Variants in MCOLN3 observed in about 807,000 individuals in gnomAD.
MCOLN3 encodes the protein mucolipin-3.
MCOLN3 carries 62 observed loss-of-function variants against 69.4 expected under a neutral mutation model. The ratio of observed to expected loss-of-function variants is 0.89; its 90% CI spans 0.73 to 1.10. MCOLN3 has a LOEUF of 1.10. MCOLN3 is among the 50% of genes least tolerant of loss of function. MCOLN3 has a pLI of 0.00. For missense variants in MCOLN3, 564 were observed against 656.4 expected, an observed-to-expected ratio of 0.86 and a Z score of 1.54; for synonymous variants, 183 against 217.0, an observed-to-expected ratio of 0.84 and a Z score of 1.38.
rs535781290 is a variant in MCOLN3 at position 85,039,043 on chromosome 1, T to TC, written c.396+1966dup. On this transcript the variant is annotated intron_variant, in intron 3 of 12. Transcript: ENST00000370589. The stretch of plus-strand genomic sequence containing the variant: ...ATAAAAAATATTAACTCACATTTTT[T>TC]CTATTCATTTCTCAGAAGCCTGAAA... 7.9e-5 allele frequency among the ~76,000 whole-genome samples: 12 copies of TC among 152,226 alleles called. No individual in the cohort carries two copies. The East Asian group carries it at 2.3e-3, about 29-fold the overall frequency.
intron 7 of MCOLN3, among the ~76,000 whole-genome samples, chr1:85,027,296 C>A (rs1652270225): frequency 6.6e-6 from 1 of 152,156 alleles, no homozygotes; most frequent in Admixed American, 6.5e-5. Context: ...ATGTATTGAG[C>A]ACATTTCTTG....
chr1:85,034,304 A>G (rs1652697458), intron 3 of MCOLN3, 53 bp from the exon 4 acceptor site: 2 of 1,590,364 alleles, frequency 1.3e-6, no homozygotes, highest in Non-Finnish European at 1.7e-6. Flanking sequence ...GGCAGGAGTG[A>G]AGCCATAACT....
At chr1:85,046,555 C>T (rs1456075447) in intron 1 of MCOLN3, among the ~76,000 whole-genome samples, 1 of 152,140 alleles carries the variant, frequency 6.6e-6, no homozygotes, top group African/African-American at 2.4e-5. Flanking sequence ...ATAACTTGTA[C>T]TCAGCAATGA....
At chr1:85,037,408 G>A (rs1320260631) in intron 3 of MCOLN3, among the ~76,000 whole-genome samples, 1 of 152,124 alleles carries the variant, frequency 6.6e-6, no homozygotes, top group Non-Finnish European at 1.5e-5. Context: ...CCAGAGTCCA[G>A]GTGTAATTGT....
intron 3 of MCOLN3, among the ~76,000 whole-genome samples, chr1:85,038,016 G>A (rs1557691204): frequency 1.3e-5 from 2 of 152,136 alleles, no homozygotes; most frequent in East Asian, 3.8e-4. Context: ...GGGCAGGGTG[G>A]GTAGGAAAGA....
At chr1:85,036,958 C>T (rs1158202021) in intron 3 of MCOLN3, 1 of 152,208 alleles carries the variant, frequency 6.6e-6, no homozygotes, top group African/African-American at 2.4e-5. Flanking sequence ...TATCAATTCA[C>T]TGCTCTAACA....
intron 3 of MCOLN3, among the ~76,000 whole-genome samples, chr1:85,040,795 C>T (rs1337714538): frequency 6.6e-6 from 1 of 152,140 alleles, no homozygotes; most frequent in Non-Finnish European, 1.5e-5. Flanking sequence ...AAGTTTCTGC[C>T]TTTCTGTTAC....
chr1:85,042,362 C>T (rs140602670), intron 2 of MCOLN3, among the ~76,000 whole-genome samples: 89 of 152,330 alleles, frequency 5.8e-4, no homozygotes, highest in Non-Finnish European at 9.7e-4. Flanking sequence ...AAATCTTTTC[C>T]CCTCTCCCTT....
intron 7 of MCOLN3, among the ~76,000 whole-genome samples, chr1:85,028,488 T>G (rs906534308): frequency 1.3e-5 from 2 of 152,230 alleles, no homozygotes; most frequent in African/African-American, 4.8e-5. Flanking sequence ...ATTATGTCAC[T>G]TATGAGAGAC....
chr1:85,032,314 G>A (rs1652577997), intron 6 of MCOLN3, among the ~76,000 whole-genome samples: 1 of 152,164 alleles, frequency 6.6e-6, no homozygotes, highest in African/African-American at 2.4e-5. Context: ...AAGACACTAA[G>A]TAACAAGAAC....
intron 2 of MCOLN3, among the ~76,000 whole-genome samples, chr1:85,043,182 T>C (rs1478369156): frequency 1.3e-5 from 2 of 152,206 alleles, no homozygotes; most frequent in African/African-American, 4.8e-5. Context: ...AAGACCCTCA[T>C]TGTTCTCCTC....
chr1:85,046,550 T>C (rs563848031), intron 1 of MCOLN3, among the ~76,000 whole-genome samples: 35 of 152,332 alleles, frequency 2.3e-4, no homozygotes, highest in South Asian at 4.1e-4. Flanking sequence ...TAATAATAAC[T>C]TGTACTCAGC....
At chr1:85,034,379 C>T (rs1652702371) in intron 3 of MCOLN3, 128 bp from the exon 4 acceptor site, 1 of 880,062 alleles carries the variant, frequency 1.1e-6, no homozygotes. Flanking sequence ...CTTTGATAAA[C>T]AGGGTAAGTG....
Position 85,019,122 on chromosome 1 carries a change from G to C in MCOLN3, c.*1C>G. On this transcript the variant is annotated 3_prime_UTR_variant, in exon 13 of 13. Transcript: ENST00000370589. ...CTCTAAAGTACAGATAAACCTGATA[G>C]CTACTTTTTACAACAGCAGAATAAA... 1.2e-6 allele frequency: 2 copies of C among 1,612,818 alleles called. No homozygotes were observed. The highest frequency in any genetic ancestry group is 1.7e-6 in the Non-Finnish European group (2 of 1,179,378).
In MCOLN3 at chr1:85,034,265, G is replaced by A; in HGVS notation, c.397-14C>T. On this transcript the variant is annotated splice_polypyrimidine_tract_variant and intron_variant, in intron 3 of 12. Coordinates refer to ENST00000370589, the MANE Select transcript of MCOLN3 (RefSeq NM_018298.11). ...TAGCTGCAAGTACTTCAACCAAAAT[G>A]AGAAACAGAAAATGGGAATGCCAGC... 4 of 1,613,774 alleles carry A rather than the reference G, an allele frequency of 2.5e-6. No individual in the cohort carries two copies. Among genetic ancestry groups the A allele is most frequent in the Non-Finnish European group, 3.4e-6 (4 of 1,179,732 alleles).
chr1:85,040,787 G>A (rs967221980), intron 3 of MCOLN3, among the ~76,000 whole-genome samples: 1 of 152,050 alleles, frequency 6.6e-6, no homozygotes, highest in African/African-American at 2.4e-5. Flanking sequence ...AATCTTCAAA[G>A]TTTCTGCCTT....
chr1:85,033,124 C>A (rs1652621997), intron 4 of MCOLN3, among the ~76,000 whole-genome samples, 168 bp from the exon 5 acceptor site: 1 of 152,022 alleles, frequency 6.6e-6, no homozygotes, highest in Non-Finnish European at 1.5e-5. Context: ...ACATGGTTAC[C>A]GTGACTCATG....
intron 4 of MCOLN3, 42 bp downstream of exon 4, chr1:85,034,056 A>C: frequency 6.3e-7 from 1 of 1,582,754 alleles, no homozygotes; most frequent in Non-Finnish European, 8.7e-7. Context: ...ATATAAATTG[A>C]GGTGTTAAAA....
At chr1:85,035,469 AAC>A (rs1405527126) in intron 3 of MCOLN3, among the ~76,000 whole-genome samples, 10 of 152,184 alleles carry the variant, frequency 6.6e-5, no homozygotes, top group Admixed American at 2.0e-4. Flanking sequence ...GGCAAACAGA[AAC>A]ACCTGCTTCT....
Sources: allele counts gnomAD v4.1 joint callset (sites outside exome capture counted in the v4.1 genomes callset), GRCh38; gene constraint gnomAD v4.1.1; transcripts MANE v1.5; gene names NCBI Gene and HGNC (gene_info 2026-07-23, HGNC 2026-07-21).